The following MRPL50 variants were observed in gnomAD, a reference collection of about 807,000 sequenced individuals.
The protein encoded by MRPL50 is mitochondrial ribosomal protein L50.
A neutral mutation model predicts 16.2 loss-of-function variants in MRPL50; 10 were observed. That is an observed-to-expected ratio of 0.62 (90% confidence interval 0.38 to 1.05). The LOEUF (loss-of-function observed/expected upper bound fraction) is 1.05. Among genes scored for constraint, MRPL50 ranks in the 50% least tolerant of loss-of-function variants. The pLI is 0.01. For missense variants in MRPL50, 213 were observed against 187.1 expected (o/e 1.14, Z -0.81); for synonymous variants, 68 against 66.8 (o/e 1.02, Z -0.09).
chr9:101,390,489 A>C lies in MRPL50; in HGVS notation c.454T>G (p.Leu152Val). Reference protein sequence around the residue: ...ELSASNLPPNLKITWSY With the variant: ...ELSASNLPPNVKITWSY ...GCTTAGTAACTCCAAGTGATTTTCA[A>C]ATTGGGGGGCAGATTACTGGCACTG... is the stretch of plus-strand genomic sequence containing the variant. Residue 152 changes from leucine (L) to valine (V), a missense_variant, in exon 2 of 2, where the codon TTG becomes GTG. Leu to Val is a conservative substitution (Grantham distance 32). Transcript: ENST00000374865. The C allele has an allele frequency of 1.2e-6, 2 of 1,611,304 alleles. No homozygotes were observed. The highest frequency in any genetic ancestry group is 8.5e-7 in the Non-Finnish European group (1 of 1,178,520).
chr9:101,392,946 A>G (rs1830291960), intron 1 of MRPL50, among the ~76,000 whole-genome samples: 1 of 152,200 alleles, frequency 6.6e-6, no homozygotes, highest in African/African-American at 2.4e-5. Flanking sequence ...CACAGATGCA[A>G]AAACCCTCAA....
At position 101,389,098 on chromosome 9, in the gene MRPL50, T is replaced by C. The variant is rs540329681; in HGVS notation, c.*1368A>G. On this transcript the variant is annotated 3_prime_UTR_variant, in exon 2 of 2. Coordinates refer to ENST00000374865, the MANE Select transcript of MRPL50 (RefSeq NM_019051.3). ...TTACATAGCTACATATTTACATAACTTTAAAATTTACATATTTACATAACT... is the reference window on the plus strand; with the variant it reads ...TTACATAGCTACATATTTACATAACCTTAAAATTTACATATTTACATAACT... 6.5e-6 allele frequency: 1 copy of C among 153,398 alleles called. No homozygotes were observed. Among genetic ancestry groups the C allele is most frequent in the East Asian group, 1.9e-4 (1 of 5,212 alleles). 9.5% of individuals were successfully genotyped at this position (153,398 alleles called of 1,614,324 possible).
chr9:101,390,202 T>C lies in MRPL50; in HGVS notation c.*264A>G, dbSNP rs922713011. On this transcript the variant is annotated 3_prime_UTR_variant, in exon 2 of 2. Transcript: ENST00000374865. ...AATGTCCTCCTGTCTTAAACCCAAG[T>C]TGACAGTGCCCTCTCAAAACTTTTC... The C allele has an allele frequency of 8.6e-7, 1 of 1,168,278 alleles. No individual in the cohort carries two copies. The highest frequency in any genetic ancestry group is 1.6e-5 in the African/African-American group (1 of 62,176). 72.4% of individuals were successfully genotyped at this position (1,168,278 alleles called of 1,614,324 possible).
At position 101,387,742 on chromosome 9, in the gene MRPL50, C is replaced by A. The variant is rs561528667; in HGVS notation, c.*2724G>T. ...TATTAGCAGGCTTTATTTAAGCATA[C>A]CTACTAAGCTTACAGAAGTTCCATC... On this transcript the variant is annotated 3_prime_UTR_variant, in exon 2 of 2. Coordinates refer to ENST00000374865, the MANE Select transcript of MRPL50 (RefSeq NM_019051.3). 6.6e-6 allele frequency: 1 copy of A among 152,130 alleles called. No individual in the cohort carries two copies. Among genetic ancestry groups the A allele is most frequent in the Non-Finnish European group, 1.5e-5 (1 of 67,974 alleles). 9.4% of individuals were successfully genotyped at this position (152,130 alleles called of 1,614,324 possible).
chr9:101,390,665 T>C lies in MRPL50; in HGVS notation c.278A>G (p.Asp93Gly). The C allele has an allele frequency of 1.2e-6, 2 of 1,613,516 alleles. No individual in the cohort carries two copies. Among genetic ancestry groups the C allele is most frequent in the Non-Finnish European group, 1.7e-6 (2 of 1,179,574 alleles). ...PSNWQDISLEDSRLKFNLLAH... is the reference protein window; with the variant it reads ...PSNWQDISLEGSRLKFNLLAH... ...CAGAAGATTGAACTTTAGACGACTA[T>C]CTTCCAGGGAGATGTCTTGCCAATT... The change falls in exon 2 of 2, where the codon GAT (aspartate) becomes GGT (glycine). Residue 93 changes from aspartate to glycine, a missense_variant. Asp to Gly is a moderately conservative substitution (Grantham distance 94). Coordinates refer to ENST00000374865, the MANE Select transcript of MRPL50 (RefSeq NM_019051.3).
chr9:101,389,382 G>A lies in MRPL50; in HGVS notation c.*1084C>T. 2 of 1,038,366 alleles carry A rather than the reference G, an allele frequency of 1.9e-6. No individual in the cohort carries two copies. Among genetic ancestry groups the A allele is most frequent in the Middle Eastern group, 2.4e-4 (1 of 4,164 alleles). 64.3% of individuals were successfully genotyped at this position (1,038,366 alleles called of 1,614,324 possible). A position where few individuals can be genotyped will look rare whatever the true frequency, so the allele number is the denominator to read the frequency against. On this transcript the variant is annotated 3_prime_UTR_variant, in exon 2 of 2. Coordinates refer to ENST00000374865, the MANE Select transcript of MRPL50 (RefSeq NM_019051.3). The stretch of plus-strand genomic sequence containing the variant: ...CCTGAAGTTCTTGAATGAAGTGCCT[G>A]TGGATGATATTTGTAGGGCATGTCT...
At chr9:101,391,942 A>G (rs1258967314) in intron 1 of MRPL50, among the ~76,000 whole-genome samples, 1 of 152,106 alleles carries the variant, frequency 6.6e-6, no homozygotes, top group Middle Eastern at 3.2e-3. Context: ...AAGTTTTAAC[A>G]AATTCATAAA....
intron 1 of MRPL50, among the ~76,000 whole-genome samples, chr9:101,392,149 T>C (rs1041350034): frequency 1.3e-5 from 2 of 151,706 alleles, no homozygotes; most frequent in African/African-American, 4.8e-5. Context: ...TCAAAACCTA[T>C]GCGATACAGC....
In MRPL50 at chr9:101,390,858, G is replaced by T; in HGVS notation, c.93-8C>A. On this transcript the variant is annotated splice_polypyrimidine_tract_variant and splice_region_variant and intron_variant, in intron 1 of 1. Transcript: ENST00000374865. ...ACTGGCTCTTTCTCTTTTCTGGAAT[G>T]ATCAAAAACAAACAGACAAATCCAT... The T allele has an allele frequency of 6.4e-7, 1 of 1,571,166 alleles. No individual in the cohort carries two copies. Among genetic ancestry groups the T allele is most frequent in the South Asian group, 1.2e-5 (1 of 84,134 alleles).
In MRPL50 at chr9:101,390,532, T is replaced by C. The variant is rs746886823; in HGVS notation, c.411A>G (p.Arg137=). Residue 137 remains arginine (R), a synonymous_variant, in exon 2 of 2, where the codon AGA becomes AGG. Coordinates refer to ENST00000374865, the MANE Select transcript of MRPL50 (RefSeq NM_019051.3). ...TGGCACTGAGTTCATCAAATTTAGA[T>C]CTATCTTGAATAGGGACATTATAGA... The part of the protein sequence containing the change: ...LDFYNVPIQD[R]SKFDELSASN... 21 of 1,613,128 alleles carry C rather than the reference T, an allele frequency of 1.3e-5. No homozygotes were observed. Among genetic ancestry groups the C allele is most frequent in the Non-Finnish European group, 1.7e-5 (20 of 1,179,456 alleles).
rs1830254451 is a variant in MRPL50, at chr9:101,390,424, AGGG to A, written c.*39_*41del. On this transcript the variant is annotated 3_prime_UTR_variant, in exon 2 of 2. Transcript: ENST00000374865. The stretch of plus-strand genomic sequence containing the variant: ...GATCTAATGAGCAGCCCCCTTGCTC[AGGG>A]AAAGACAGTGATTTCAATGTGTTTC... 6.4e-7 allele frequency: 1 copy of A among 1,567,758 alleles called. No homozygotes were observed. The highest frequency in any genetic ancestry group is 1.4e-5 in the African/African-American group (1 of 73,468).
chr9:101,394,072 G>A (rs1003707209), intron 1 of MRPL50, among the ~76,000 whole-genome samples: 15 of 151,130 alleles, frequency 9.9e-5, no homozygotes, highest in African/African-American at 3.6e-4. Context: ...GTTCATTCCT[G>A]GGCATAGGCC....
Position 101,389,464 on chromosome 9 carries a change from T to C in MRPL50, c.*1002A>G. The C allele has an allele frequency of 7.8e-7, 1 of 1,287,662 alleles. No individual in the cohort carries two copies. The highest frequency in any genetic ancestry group is 1.5e-5 in the African/African-American group (1 of 65,902). The allele number at this position is 1,287,662 out of a possible 1,614,324, so 79.8% of individuals were successfully genotyped here. On this transcript the variant is annotated 3_prime_UTR_variant, in exon 2 of 2. Coordinates refer to ENST00000374865, the MANE Select transcript of MRPL50 (RefSeq NM_019051.3). ...CCAGAATTTATATTCCCAACTGAATTTTGCCCTCTTCAAAGGAGTAACCCT... is the reference window on the plus strand; with the variant it reads ...CCAGAATTTATATTCCCAACTGAATCTTGCCCTCTTCAAAGGAGTAACCCT...
intron 1 of MRPL50, among the ~76,000 whole-genome samples, chr9:101,393,700 C>T (rs1305226545): frequency 6.6e-6 from 1 of 151,658 alleles, no homozygotes; most frequent in African/African-American, 2.4e-5. Context: ...AATAGCCACA[C>T]ACACAAAAAA....
rs1830252987 is a variant in MRPL50 at position 101,390,339 on chromosome 9, A to G, written c.*127T>C. On this transcript the variant is annotated 3_prime_UTR_variant, in exon 2 of 2. Transcript: ENST00000374865. Reference sequence around the variant, plus strand: ...AAAAAAAAAGATGATACATTCCTCTACAGAAAAAGTGGGTTTAGAGAACAG... The same window carrying G: ...AAAAAAAAAGATGATACATTCCTCTGCAGAAAAAGTGGGTTTAGAGAACAG... 1 of 1,419,080 alleles carries G rather than the reference A, an allele frequency of 7.0e-7. No individual in the cohort carries two copies. The highest frequency in any genetic ancestry group is 9.2e-7 in the Non-Finnish European group (1 of 1,084,898). 87.9% of individuals were successfully genotyped at this position (1,419,080 alleles called of 1,614,324 possible).
chr9:101,397,280 G>A (rs967134639), intron 1 of MRPL50, among the ~76,000 whole-genome samples: 8 of 152,172 alleles, frequency 5.3e-5, no homozygotes, highest in Non-Finnish European at 1.0e-4. Context: ...GTGCAACATA[G>A]TGAGAACTCC....
At chr9:101,394,359 C>T (rs149404784) in intron 1 of MRPL50, among the ~76,000 whole-genome samples, 76 of 152,288 alleles carry the variant, frequency 5.0e-4, no homozygotes, top group Middle Eastern at 3.4e-3. Flanking sequence ...AATGGATTAG[C>T]TTACACCACC....
At chr9:101,392,178 G>C (rs1000135054) in intron 1 of MRPL50, among the ~76,000 whole-genome samples, 7 of 151,830 alleles carry the variant, frequency 4.6e-5, no homozygotes, top group African/African-American at 1.5e-4. Flanking sequence ...TAGTAAGAGG[G>C]AAGCTTATAG....
At chr9:101,392,424 A>T (rs542591581) in intron 1 of MRPL50, among the ~76,000 whole-genome samples, 17 of 152,014 alleles carry the variant, frequency 1.1e-4, no homozygotes, top group South Asian at 6.2e-4. Context: ...CAGAGAAGAC[A>T]CAAATACATA....
Sources: gnomAD v4.1 joint callset for allele counts (sites outside exome capture counted in the v4.1 genomes callset) on GRCh38, gnomAD v4.1.1 for gene constraint, MANE v1.5 for transcripts, NCBI Gene and HGNC (gene_info 2026-07-23, HGNC 2026-07-21) for gene names.